LRFN5: variants seen among roughly 807,000 people sequenced by gnomAD.
LRFN5 encodes leucine-rich repeat and fibronectin type-III domain-containing protein 5.
A neutral mutation model predicts 45.6 loss-of-function variants in LRFN5; 24 were observed. The ratio of observed to expected loss-of-function variants is 0.53; its 90% CI spans 0.38 to 0.74. The LOEUF (loss-of-function observed/expected upper bound fraction) is 0.74. Among genes scored for constraint, LRFN5 ranks in the 30% least tolerant of loss-of-function variants. The probability of loss-of-function intolerance (pLI) is 0.00; values close to 1 mark genes in which losing one functional copy is unlikely to be tolerated. For synonymous variants in LRFN5, 340 were observed against 313.8 expected (o/e 1.08, Z -0.88); for missense variants, 776 against 861.5 (o/e 0.90, Z 1.24).
rs1887517564 is a variant in LRFN5 at position 41,607,132 on chromosome 14, C to T, written c.-1627C>T. On this transcript the variant is annotated 5_prime_UTR_variant, in exon 1 of 6. Transcript: ENST00000298119. ...TGTGCAGAGCTGCCCGAACGGAGGACTATGTATGTGTGTGCGCGTGTTTGC... is the reference window on the plus strand; with the variant it reads ...TGTGCAGAGCTGCCCGAACGGAGGATTATGTATGTGTGTGCGCGTGTTTGC... Among the ~76,000 whole-genome samples the T allele has an allele frequency of 6.6e-6, 1 of 152,136 alleles. No individual in the cohort carries two copies. Among genetic ancestry groups the T allele is most frequent in the Admixed American group, 6.5e-5 (1 of 15,282 alleles).
At chr14:41,640,956 T>C (rs922542039) in intron 1 of LRFN5, among the ~76,000 whole-genome samples, 1 of 152,092 alleles carries the variant, frequency 6.6e-6, no homozygotes, top group African/African-American at 2.4e-5. Flanking sequence ...CCTTAACAAC[T>C]ATATGTGAAT....
intron 1 of LRFN5, among the ~76,000 whole-genome samples, chr14:41,765,945 A>G (rs985490413): frequency 1.3e-5 from 2 of 152,132 alleles, no homozygotes; most frequent in African/African-American, 4.8e-5. Context: ...ACTCTATAAG[A>G]TCATTCATAT....
At chr14:41,798,812 A>C (rs978837583) in intron 2 of LRFN5, among the ~76,000 whole-genome samples, 1 of 151,966 alleles carries the variant, frequency 6.6e-6, no homozygotes, top group African/African-American at 2.4e-5. Context: ...TTCACTTTTC[A>C]CGTAATCACA....
chr14:41,734,593 CTT>C, intron 1 of LRFN5, among the ~76,000 whole-genome samples: 1 of 149,156 alleles, frequency 6.7e-6, no homozygotes, highest in Non-Finnish European at 1.5e-5. Flanking sequence ...ACAATGGAGT[CTT>C]GTCTTTTTTT....
At chr14:41,654,953 C>T (rs548459080) in intron 1 of LRFN5, among the ~76,000 whole-genome samples, 21 of 152,148 alleles carry the variant, frequency 1.4e-4, no homozygotes, top group Admixed American at 2.0e-4. Flanking sequence ...CAATATCTGC[C>T]ATTCTGTACT....
At chr14:41,725,289 C>T (rs1258184972) in intron 1 of LRFN5, among the ~76,000 whole-genome samples, 1 of 152,190 alleles carries the variant, frequency 6.6e-6, no homozygotes, top group Non-Finnish European at 1.5e-5. Flanking sequence ...GGCTAGCTGA[C>T]TTTGGAATCC....
intron 1 of LRFN5, among the ~76,000 whole-genome samples, chr14:41,672,995 A>C (rs989314519): frequency 1.3e-5 from 2 of 152,120 alleles, no homozygotes; most frequent in African/African-American, 4.8e-5. Flanking sequence ...GATCTACACT[A>C]AGTTAAATAT....
intron 1 of LRFN5, among the ~76,000 whole-genome samples, chr14:41,643,200 C>A (rs1879658761): frequency 6.6e-6 from 1 of 151,938 alleles, no homozygotes; most frequent in Admixed American, 6.6e-5. Context: ...TAAAATAAAT[C>A]AAGAGAAAAA....
At chr14:41,788,417 C>G (rs1332732088) in intron 2 of LRFN5, among the ~76,000 whole-genome samples, 4 of 152,022 alleles carry the variant, frequency 2.6e-5, no homozygotes, top group African/African-American at 9.7e-5. Flanking sequence ...TGGATATTTA[C>G]TCCCAATTGT....
At chr14:41,864,861 C>A (rs182676991) in intron 2 of LRFN5, among the ~76,000 whole-genome samples, 134 of 151,964 alleles carry the variant, frequency 8.8e-4, no homozygotes, top group African/African-American at 2.6e-3. Flanking sequence ...CTATCATTCT[C>A]ATTCCTCTCC....
At chr14:41,885,575 G>T (rs558009697) in intron 2 of LRFN5, among the ~76,000 whole-genome samples, 61 of 152,168 alleles carry the variant, frequency 4.0e-4, no homozygotes, top group African/African-American at 1.3e-3. Context: ...TTAAGTGAAA[G>T]CACTGACGGC....
intron 1 of LRFN5, among the ~76,000 whole-genome samples, chr14:41,738,115 C>G (rs1436039338): frequency 6.6e-6 from 1 of 152,140 alleles, no homozygotes; most frequent in Non-Finnish European, 1.5e-5. Context: ...GCTACAGTAA[C>G]CAAAACAGCA....
intron 1 of LRFN5, among the ~76,000 whole-genome samples, chr14:41,608,979 C>T (rs894423539): frequency 2.0e-5 from 3 of 152,160 alleles, no homozygotes; most frequent in Admixed American, 2.0e-4. Context: ...AAGATCTTTT[C>T]TACCCTTTTC....
At chr14:41,807,261 TTAAAAG>T (rs1887556141) in intron 2 of LRFN5, among the ~76,000 whole-genome samples, 1 of 152,152 alleles carries the variant, frequency 6.6e-6, no homozygotes. Flanking sequence ...GCCAGTTAGT[TTAAAAG>T]TAAAACTTTT....
chr14:41,651,398 T>G (rs1880118683), intron 1 of LRFN5, among the ~76,000 whole-genome samples: 2 of 152,068 alleles, frequency 1.3e-5, no homozygotes, highest in African/African-American at 4.8e-5. Context: ...CCTGAGAAAA[T>G]GTATGTGAGC....
intron 2 of LRFN5, among the ~76,000 whole-genome samples, chr14:41,827,460 G>T (rs972286683): frequency 6.6e-6 from 1 of 151,834 alleles, no homozygotes; most frequent in East Asian, 1.9e-4. Context: ...TATATATTTG[G>T]TAAGTATATA....
chr14:41,896,651 C>T (rs1890949316), intron 4 of LRFN5, among the ~76,000 whole-genome samples: 1 of 151,962 alleles, frequency 6.6e-6, no homozygotes, highest in Non-Finnish European at 1.5e-5. Context: ...GGACAGATTG[C>T]CCAGTCTTTT....
At chr14:41,755,125 C>T (rs1434145581) in intron 1 of LRFN5, among the ~76,000 whole-genome samples, 3 of 152,056 alleles carry the variant, frequency 2.0e-5, no homozygotes, top group South Asian at 2.1e-4. Flanking sequence ...CTGTGGTCTG[C>T]GAGACAGTTT....
chr14:41,902,935 T>C (rs936779499), intron 5 of LRFN5, among the ~76,000 whole-genome samples: 37 of 151,672 alleles, frequency 2.4e-4, no homozygotes, highest in African/African-American at 8.5e-4. Flanking sequence ...ATTACATTTT[T>C]ACAGTGATTT....
Sources: gnomAD v4.1 joint callset for allele counts (sites outside exome capture counted in the v4.1 genomes callset) on GRCh38, gnomAD v4.1.1 for gene constraint, MANE v1.5 for transcripts, NCBI Gene and HGNC (gene_info 2026-07-23, HGNC 2026-07-21) for gene names.